The following SDHA variants were observed in gnomAD, a reference collection of about 807,000 sequenced individuals.
SDHA encodes the protein succinate dehydrogenase complex flavoprotein subunit A.
A neutral mutation model predicts 78.4 loss-of-function variants in SDHA; 48 were observed. The observed-to-expected ratio is 0.61, with a 90% confidence interval of 0.49 to 0.78. The LOEUF is 0.78. Among genes scored for constraint, SDHA ranks in the 30% least tolerant of loss-of-function variants. SDHA has a pLI of 0.00. For synonymous variants in SDHA, 326 were observed against 353.9 expected (o/e 0.92, Z 0.88); for missense variants, 680 against 892.7 (o/e 0.76, Z 3.04).
At chr5:254,839 G>C (rs1272980960) in intron 14 of SDHA, among the ~76,000 whole-genome samples, 2 of 151,990 alleles carry the variant, frequency 1.3e-5, no homozygotes, top group East Asian at 1.9e-4. Flanking sequence ...AAGCATCTGT[G>C]GGGTGGGGAC....
intron 3 of SDHA, among the ~76,000 whole-genome samples, chr5:225,011 C>A (rs537728058): frequency 6.6e-6 from 1 of 152,284 alleles, no homozygotes; most frequent in East Asian, 1.9e-4. Flanking sequence ...GCAGGAAGCA[C>A]TTCTAGTCTT....
intron 6 of SDHA, among the ~76,000 whole-genome samples, chr5:230,454 C>G (rs1317753933): frequency 6.6e-6 from 1 of 151,854 alleles, no homozygotes; most frequent in Non-Finnish European, 1.5e-5. Context: ...TGGTGAAACC[C>G]CATCTCTACT....
the SDHA span, among the ~76,000 whole-genome samples, chr5:266,766 G>A: frequency 1.1e-5 from 1 of 92,700 alleles, no homozygotes; most frequent in Non-Finnish European, 1.9e-5. Flanking sequence ...CACCGTGGCC[G>A]CTGTGTCTGA....
intron 10 of SDHA, among the ~76,000 whole-genome samples, chr5:239,651 T>G (rs1736018314): frequency 6.6e-6 from 1 of 152,128 alleles, no homozygotes; most frequent in Non-Finnish European, 1.5e-5. Flanking sequence ...AGCAGCCACC[T>G]TCCCCCCGCT....
intron 5 of SDHA, among the ~76,000 whole-genome samples, chr5:226,283 G>A (rs1330669330): frequency 6.7e-6 from 1 of 149,740 alleles, no homozygotes; most frequent in Non-Finnish European, 1.5e-5. Context: ...AAGTTGAATC[G>A]ATAATCTTAC....
chr5:261,574 G>A (rs1737483116), downstream of SDHA, among the ~76,000 whole-genome samples: 1 of 47,926 alleles, frequency 2.1e-5, no homozygotes. Flanking sequence ...TGTGAGCTCC[G>A]CCTCCCGCCA....
In SDHA at chr5:225,542, G is replaced by A. The variant is rs773634017; in HGVS notation, c.436G>A (p.Ala146Thr). The A allele has an allele frequency of 2.5e-6, 4 of 1,613,910 alleles. No homozygotes were observed. In the South Asian group the frequency reaches 3.3e-5, roughly 13 times the overall value. ...QDAIHYMTEQ[A>T]PAAVVELENY... Reference sequence around the variant, plus strand: ...TGCCATCCACTACATGACGGAGCAGGCCCCCGCCGCCGTGGTCGAGGTGAT... The same window carrying A: ...TGCCATCCACTACATGACGGAGCAGACCCCCGCCGCCGTGGTCGAGGTGAT... Residue 146 changes from alanine (A) to threonine (T), a missense_variant, in exon 4 of 15, where the codon GCC (alanine) becomes ACC (threonine). Coordinates refer to ENST00000264932, the MANE Select transcript of SDHA (RefSeq NM_004168.4).
downstream of SDHA, among the ~76,000 whole-genome samples, chr5:257,265 G>T (rs986441494): frequency 1.4e-4 from 21 of 152,164 alleles, no homozygotes; most frequent in African/African-American, 5.1e-4. Context: ...TCCATGGCCT[G>T]TTAGGAACCA....
intron 11 of SDHA, among the ~76,000 whole-genome samples, chr5:242,993 A>G (rs1013513442): frequency 6.6e-6 from 1 of 152,172 alleles, no homozygotes; most frequent in African/African-American, 2.4e-5. Flanking sequence ...GAAGAAAAAG[A>G]GTGGCCTGAC....
In SDHA at chr5:256,395, T is replaced by A; in HGVS notation, c.1970T>A (p.Val657Asp). ...KTLNEADCAT[V>D]PPAIRSY ...TTGAACGAGGCTGACTGTGCCACCG[T>A]CCCGCCAGCCATTCGCTCCTACTGA... is the stretch of plus-strand genomic sequence containing the variant. The change falls in exon 15 of 15, where the codon GTC (valine) becomes GAC (aspartate). Residue 657 changes from valine (V) to aspartate (D), a missense_variant. By Grantham distance (152) the Val-to-Asp change is radical. Coordinates refer to ENST00000264932, the MANE Select transcript of SDHA (RefSeq NM_004168.4). 3 of 1,613,820 alleles carry A rather than the reference T, an allele frequency of 1.9e-6. No individual in the cohort carries two copies. Among genetic ancestry groups the A allele is most frequent in the Non-Finnish European group, 2.5e-6 (3 of 1,179,714 alleles).
At chr5:253,256 A>G (rs1036185358) in intron 13 of SDHA, among the ~76,000 whole-genome samples, 4 of 152,176 alleles carry the variant, frequency 2.6e-5, no homozygotes, top group African/African-American at 4.8e-5. Flanking sequence ...TCAGCTGAAC[A>G]TGGTGAATGG....
intron 10 of SDHA, among the ~76,000 whole-genome samples, chr5:239,090 A>C (rs1285361418): frequency 9.6e-6 from 1 of 104,166 alleles, no homozygotes; most frequent in African/African-American, 6.7e-5. Context: ...GAAGCATTTG[A>C]GCAGACCCTC....
intron 11 of SDHA, among the ~76,000 whole-genome samples, chr5:248,280 G>A (rs1736597437): frequency 6.6e-6 from 1 of 152,204 alleles, no homozygotes; most frequent in Admixed American, 6.5e-5. Context: ...GACTGATGCT[G>A]AGGAGGACCC....
In SDHA at chr5:218,505, G is replaced by A. The variant is rs1040002673; in HGVS notation, c.63+87G>A. 5.5e-5 allele frequency: 59 copies of A among 1,069,252 alleles called. No individual in the cohort carries two copies. In the Admixed American group the frequency reaches 2.5e-3, roughly 45 times the overall value. The allele number at this position is 1,069,252 out of a possible 1,614,324, so 66.2% of individuals were successfully genotyped here. A position where few individuals can be genotyped will look rare whatever the true frequency, so the allele number is the denominator to read the frequency against. On this transcript the variant is annotated intron_variant, in intron 1 of 14. Coordinates refer to ENST00000264932, the MANE Select transcript of SDHA (RefSeq NM_004168.4). ...ACGGTCCCCAGCGGGTCCGAGCGGA[G>A]CGGGCGCCGGGTCCCTGCGCCCTCT...
chr5:254,853 C>T (rs1181993810), intron 14 of SDHA, among the ~76,000 whole-genome samples: 2 of 152,012 alleles, frequency 1.3e-5, no homozygotes, highest in Admixed American at 6.6e-5. Flanking sequence ...TGGGGACACA[C>T]AGCCATTACC....
downstream of SDHA, among the ~76,000 whole-genome samples, chr5:258,321 CGCCCCCCTGTCAGAGCA>C (rs1437347376): frequency 8.1e-6 from 1 of 122,828 alleles, no homozygotes; most frequent in African/African-American, 4.2e-5. Flanking sequence ...CTGTGAGCTC[CGCCCCCCTGTCAGAGCA>C]TTAGTGTGTG....
intron 11 of SDHA, among the ~76,000 whole-genome samples, chr5:241,229 C>T (rs866135433): frequency 1.8e-4 from 28 of 152,134 alleles, no homozygotes; most frequent in Admixed American, 1.1e-3. Flanking sequence ...GGATGAGTCA[C>T]AGCGTGGAGG....
In SDHA at chr5:236,306, G is replaced by C. The variant is rs556725523; in HGVS notation, c.1261-122G>C. ...CCCAAAGTGCTGAGATTACAGGCGT[G>C]AGCCACCACGCCTGGCCTACTTCCC... On this transcript the variant is annotated intron_variant, in intron 9 of 14. Coordinates refer to ENST00000264932, the MANE Select transcript of SDHA (RefSeq NM_004168.4). 6 of 990,248 alleles carry C rather than the reference G, an allele frequency of 6.1e-6. No homozygotes were observed. The East Asian group carries it at 1.5e-4, about 24-fold the overall frequency. The allele number at this position is 990,248 out of a possible 1,614,324, so 61.3% of individuals were successfully genotyped here. A position where few individuals can be genotyped will look rare whatever the true frequency, so the allele number is the denominator to read the frequency against.
At chr5:219,198 T>A (rs978439001) in intron 1 of SDHA, among the ~76,000 whole-genome samples, 1 of 152,198 alleles carries the variant, frequency 6.6e-6, no homozygotes, top group Non-Finnish European at 1.5e-5. Context: ...TGCTTGCCTG[T>A]GCGCTGAGTG....
Sources: allele counts gnomAD v4.1 joint callset (sites outside exome capture counted in the v4.1 genomes callset), GRCh38; gene constraint gnomAD v4.1.1; transcripts MANE v1.5; gene names NCBI Gene and HGNC (gene_info 2026-07-23, HGNC 2026-07-21).